DYNC2H1: variants seen among roughly 807,000 people sequenced by gnomAD.
The protein encoded by DYNC2H1 is cytoplasmic dynein 2 heavy chain 1.
A neutral mutation model predicts 570.0 loss-of-function variants in DYNC2H1; 410 were observed. The observed-to-expected ratio is 0.72, with a 90% CI of 0.66 to 0.78. DYNC2H1 has a LOEUF of 0.78. Among genes scored for constraint, DYNC2H1 ranks in the 30% least tolerant of loss-of-function variants. DYNC2H1 has a pLI of 0.00. For missense variants in DYNC2H1, 4,865 were observed against 5,046.4 expected, an observed-to-expected ratio of 0.96 and a Z score of 1.09; for synonymous variants, 1,688 against 1,677.6, an observed-to-expected ratio of 1.01 and a Z score of -0.15.
chr11:103,248,512 A>G (rs1864708595), intron 65 of DYNC2H1, among the ~76,000 whole-genome samples: 1 of 152,094 alleles, frequency 6.6e-6, no homozygotes, highest in South Asian at 2.1e-4. Context: ...CATACTAAGT[A>G]TCAGTTATGA....
chr11:103,438,890 T>C (rs759977339), intron 85 of DYNC2H1, among the ~76,000 whole-genome samples: 1 of 152,058 alleles, frequency 6.6e-6, no homozygotes, highest in Non-Finnish European at 1.5e-5. Context: ...GTGTCTATAG[T>C]TCCAGTGACT....
intron 60 of DYNC2H1, among the ~76,000 whole-genome samples, chr11:103,232,346 G>A (rs1202666380): frequency 3.3e-5 from 5 of 151,800 alleles, no homozygotes; most frequent in Admixed American, 2.0e-4. Flanking sequence ...CTGAAGTTGA[G>A]CAGCTAGTAA....
intron 6 of DYNC2H1, 122 bp downstream of exon 6, chr11:103,117,985 T>C: frequency 1.2e-6 from 1 of 800,916 alleles, no homozygotes; most frequent in Non-Finnish European, 1.8e-6. Context: ...TGTGAGAGAA[T>C]AGGAATTAAA....
intron 18 of DYNC2H1, among the ~76,000 whole-genome samples, chr11:103,144,710 A>T (rs1416314956): frequency 6.6e-6 from 1 of 152,054 alleles, no homozygotes; most frequent in African/African-American, 2.4e-5. Flanking sequence ...GATTTTATTC[A>T]TTTTGGGATG....
intron 82 of DYNC2H1, among the ~76,000 whole-genome samples, chr11:103,350,135 G>T (rs1397110316): frequency 6.6e-6 from 1 of 152,094 alleles, no homozygotes; most frequent in African/African-American, 2.4e-5. Context: ...ACATGGCCAA[G>T]CATGCACAGG....
chr11:103,464,997 G>A (rs1945146963), intron 87 of DYNC2H1, among the ~76,000 whole-genome samples: 1 of 151,850 alleles, frequency 6.6e-6, no homozygotes, highest in African/African-American at 2.4e-5. Flanking sequence ...TAGATATAAT[G>A]TGTTAAAATT....
chr11:103,251,844 A>G (rs2135249444), intron 65 of DYNC2H1, among the ~76,000 whole-genome samples: 1 of 152,194 alleles, frequency 6.6e-6, no homozygotes, highest in African/African-American at 2.4e-5. Context: ...AAATGGCAGG[A>G]TCTACTTTTT....
At chr11:103,417,560 C>T (rs1052560816) in intron 84 of DYNC2H1, among the ~76,000 whole-genome samples, 2 of 152,096 alleles carry the variant, frequency 1.3e-5, no homozygotes, top group African/African-American at 4.8e-5. Flanking sequence ...CCCCACAATA[C>T]TAGTGTAGGC....
Position 103,117,575 on chromosome 11 carries a change from T to A in DYNC2H1, c.767-56T>A, listed in dbSNP as rs1858476437. On this transcript the variant is annotated intron_variant, in intron 5 of 88. Coordinates refer to ENST00000375735, the MANE Select transcript of DYNC2H1 (RefSeq NM_001377.3). Reference sequence around the variant, plus strand: ...ATTGTCATAAGCATGTATTTTATAATTTTTCTATAAAAATACATTTATTTC... The same window carrying A: ...ATTGTCATAAGCATGTATTTTATAAATTTTCTATAAAAATACATTTATTTC... 2.3e-6 allele frequency: 3 copies of A among 1,327,606 alleles called. No homozygotes were observed. In the East Asian group the frequency reaches 7.7e-5, roughly 34 times the overall value. The allele number at this position is 1,327,606 out of a possible 1,614,324, so 82.2% of individuals were successfully genotyped here. A position where few individuals can be genotyped will look rare whatever the true frequency, so the allele number is the denominator to read the frequency against.
intron 85 of DYNC2H1, among the ~76,000 whole-genome samples, chr11:103,437,644 G>C (rs572053784): frequency 4.0e-4 from 61 of 152,254 alleles, no homozygotes; most frequent in African/African-American, 1.4e-3. Context: ...CTAAATGCTG[G>C]AAGGAAGAAA....
At chr11:103,190,309 G>A (rs1862244443) in intron 45 of DYNC2H1, among the ~76,000 whole-genome samples, 1 of 152,192 alleles carries the variant, frequency 6.6e-6, no homozygotes, top group Non-Finnish European at 1.5e-5. Flanking sequence ...CTTGCCAGTA[G>A]TAGTCCTAGG....
chr11:103,242,178 C>T (rs565176361), intron 63 of DYNC2H1, among the ~76,000 whole-genome samples: 73 of 152,126 alleles, frequency 4.8e-4, no homozygotes, highest in African/African-American at 1.7e-3. Flanking sequence ...ATTTTATATA[C>T]ACATACATAC....
chr11:103,154,515 G>A lies in DYNC2H1; in HGVS notation c.3367G>A (p.Asp1123Asn). ...NFSLASSISK[D>N]IESCAQIWAF... Reference sequence around the variant, plus strand: ...CTCCCTGGCAAGTAGTATCTCTAAAGATATCGAGAGCTGTGCCCAAATTTG... The same window carrying A: ...CTCCCTGGCAAGTAGTATCTCTAAAAATATCGAGAGCTGTGCCCAAATTTG... Residue 1123 changes from aspartate (D) to asparagine (N), a missense_variant, in exon 23 of 89, where the codon GAT becomes AAT. This residue lies in a region of DYNC2H1 where 1,936 missense variants were observed against 1,962.1 expected (regional missense o/e 0.99). Transcript: ENST00000375735. 2 of 1,576,682 alleles carry A rather than the reference G, an allele frequency of 1.3e-6. No homozygotes were observed. The highest frequency in any genetic ancestry group is 1.7e-6 in the Non-Finnish European group (2 of 1,160,916).
chr11:103,184,908 G>T lies in DYNC2H1; in HGVS notation c.6490G>T (p.Val2164Leu). 6.2e-7 allele frequency: 1 copy of T among 1,610,368 alleles called. No homozygotes were observed. Among genetic ancestry groups the T allele is most frequent in the Non-Finnish European group, 8.5e-7 (1 of 1,177,462 alleles). ...QWVLKQNDYV[V>L]ETSLVGTVMN... ...TTTTAATCAACAGAATGACTATGTGGTAGAAACAAGTTTGGTTGGGACTGT... is the reference window on the plus strand; with the variant it reads ...TTTTAATCAACAGAATGACTATGTGTTAGAAACAAGTTTGGTTGGGACTGT... The change falls in exon 41 of 89, where the codon GTA (valine) becomes TTA (leucine). Residue 2164 changes from valine (V) to leucine (L), a missense_variant. Val to Leu is a conservative substitution (Grantham distance 32). This residue lies in a region of DYNC2H1 where 231 missense variants were observed against 310.3 expected (regional missense o/e 0.74). Transcript: ENST00000375735.
At chr11:103,296,595 A>G (rs1454488507) in intron 75 of DYNC2H1, among the ~76,000 whole-genome samples, 1 of 152,060 alleles carries the variant, frequency 6.6e-6, no homozygotes, top group Non-Finnish European at 1.5e-5. Flanking sequence ...TTGCCTTAGT[A>G]CTCATACTCA....
chr11:103,130,661 T>C (rs1319484305), intron 13 of DYNC2H1, among the ~76,000 whole-genome samples: 1 of 152,124 alleles, frequency 6.6e-6, no homozygotes, highest in Non-Finnish European at 1.5e-5. Flanking sequence ...AATGTATGCA[T>C]AGTTTTGGAA....
chr11:103,428,117 C>T (rs1943737849), intron 84 of DYNC2H1, among the ~76,000 whole-genome samples: 1 of 151,424 alleles, frequency 6.6e-6, no homozygotes, highest in South Asian at 2.1e-4. Context: ...CAGCTTGCTA[C>T]CTGAATGGAA....
At chr11:103,293,884 C>G (rs569863441) in intron 75 of DYNC2H1, among the ~76,000 whole-genome samples, 25 of 152,150 alleles carry the variant, frequency 1.6e-4, no homozygotes, top group African/African-American at 5.8e-4. Flanking sequence ...CAACACCAGC[C>G]TGGCCAACAT....
Position 103,179,052 on chromosome 11 carries a change from G to A in DYNC2H1, c.6166G>A (p.Gly2056Ser), listed in dbSNP as rs1271370335. The change falls in exon 39 of 89, where the codon GGT (glycine) becomes AGT (serine). Residue 2056 changes from glycine to serine, a missense_variant. Coordinates refer to ENST00000375735, the MANE Select transcript of DYNC2H1 (RefSeq NM_001377.3). Reference protein sequence around the residue: ...QDVSSWIICDGDIDPEWIESL... With the variant: ...QDVSSWIICDSDIDPEWIESL... ...TGTCAGCTCATGGATAATCTGTGAT[G>A]GTGATATTGACCCTGAATGGATAGA... 1.2e-6 allele frequency: 2 copies of A among 1,611,072 alleles called. No individual in the cohort carries two copies. Among genetic ancestry groups the A allele is most frequent in the African/African-American group, 2.7e-5 (2 of 74,810 alleles).
Sources: allele counts gnomAD v4.1 joint callset (sites outside exome capture counted in the v4.1 genomes callset), GRCh38; gene constraint gnomAD v4.1.1; regional missense constraint gnomAD v4.1.1; transcripts MANE v1.5; gene names NCBI Gene and HGNC (gene_info 2026-07-23, HGNC 2026-07-21).